EMX1: variants seen among roughly 807,000 people sequenced by gnomAD.
The protein encoded by EMX1 is homeobox protein EMX1.
In EMX1, 10 loss-of-function variants were observed where a neutral mutation model predicts 20.1. That is an observed-to-expected ratio of 0.50 (90% CI 0.31 to 0.84). EMX1 has a LOEUF of 0.84. Ranked by LOEUF, EMX1 falls within the 40% of genes least tolerant of loss-of-function variation. The pLI, the probability that EMX1 is intolerant of heterozygous loss-of-function variation, is 0.05. For synonymous variants in EMX1, 250 were observed against 200.4 expected (o/e 1.25, Z -2.09); for missense variants, 424 against 431.9 (o/e 0.98, Z 0.16).
intron 2 of EMX1, chr2:72,925,695 G>A: frequency 1.0e-6 from 1 of 985,456 alleles, no homozygotes; most frequent in Non-Finnish European, 1.2e-6. Flanking sequence ...CCTCCCTTTA[G>A]CAGCCAGAGT....
chr2:72,927,752 T>C (rs771512485), intron 2 of EMX1, among the ~76,000 whole-genome samples: 18 of 152,220 alleles, frequency 1.2e-4, no homozygotes, highest in Non-Finnish European at 2.4e-4. Flanking sequence ...CCTGTCTGTT[T>C]CTTACAGGAC....
chr2:72,920,020 T>C (rs965038771), intron 1 of EMX1, among the ~76,000 whole-genome samples: 1 of 152,098 alleles, frequency 6.6e-6, no homozygotes, highest in Admixed American at 6.5e-5. Flanking sequence ...TGGAGGCTTG[T>C]GGAGGGATAG....
chr2:72,924,623 G>A, intron 2 of EMX1, 130 bp downstream of exon 2: 2 of 1,135,862 alleles, frequency 1.8e-6, no homozygotes, highest in Admixed American at 2.9e-5. Flanking sequence ...CCCATTCCCC[G>A]CGGCGCTGCG....
intron 2 of EMX1, among the ~76,000 whole-genome samples, chr2:72,931,624 G>T (rs1017291052): frequency 6.6e-6 from 1 of 152,228 alleles, no homozygotes; most frequent in Non-Finnish European, 1.5e-5. Flanking sequence ...CCAAAGATAG[G>T]TGGGCTTGGA....
intron 2 of EMX1, among the ~76,000 whole-genome samples, chr2:72,931,882 C>T (rs371953983): frequency 2.0e-5 from 3 of 152,184 alleles, no homozygotes; most frequent in Admixed American, 6.5e-5. Flanking sequence ...GGGCAGATGG[C>T]GCAGTGGAAG....
chr2:72,932,937 T>G (rs1248775757), intron 2 of EMX1: 1 of 152,298 alleles, frequency 6.6e-6, no homozygotes, highest in Non-Finnish European at 1.5e-5. Context: ...GGTCTGGAGC[T>G]GCCCGTGAAG....
At chr2:72,916,337 C>A, upstream of EMX1, 2 of 319,138 alleles carry the variant, frequency 6.3e-6, no homozygotes, top group East Asian at 8.9e-5. Flanking sequence ...AGGCAGCGCT[C>A]AGGCCGCTAG....
At chr2:72,916,660 T>C (rs1056304555), upstream of EMX1, 3 of 713,554 alleles carry the variant, frequency 4.2e-6, no homozygotes, top group Non-Finnish European at 5.2e-6. Flanking sequence ...CTGCGTGTCC[T>C]GACGGCTGGC....
rs1371500730 is a variant in EMX1 at position 72,930,244 on chromosome 2, CAT to C, written c.706-3541_706-3540del. Among the ~76,000 whole-genome samples the C allele has an allele frequency of 5.3e-5, 8 of 152,204 alleles. No homozygotes were observed. The highest frequency in any genetic ancestry group is 1.7e-4 in the African/African-American group (7 of 41,448). On this transcript the variant is annotated intron_variant, in intron 2 of 2. Transcript: ENST00000258106. This position sits in a 1 kb window ranked among gnomAD's most constrained non-coding sequence, Gnocchi z 4.4. ...ACATAACAGTTTGGCTCTCCAGTCT[CAT>C]AGTCTGGTGAGGAGGCAGACGTAAA... is the stretch of plus-strand genomic sequence containing the variant.
chr2:72,919,669 G>A (rs1026865760), intron 1 of EMX1, among the ~76,000 whole-genome samples: 7 of 152,220 alleles, frequency 4.6e-5, no homozygotes, highest in African/African-American at 9.7e-5. Context: ...GCCAATAGAT[G>A]CTGACCTGGC....
chr2:72,918,166 C>T lies in EMX1; in HGVS notation c.314C>T (p.Ala105Val), dbSNP rs1354723502. The stretch of plus-strand genomic sequence containing the variant: ...AGTGGCTTCCCTGCCGCGGCCGCCG[C>T]GGGCGCGGGCCGCTCGCTCTACGGT... ...FVSGFPAAAA[A>V]GAGRSLYGGP... The change falls in exon 1 of 3, where the codon GCG (alanine) becomes GTG (valine). Residue 105 changes from alanine (A) to valine (V), a missense_variant. By Grantham distance (64) the Ala-to-Val change is moderately conservative. Around this residue, in one of 2 missense-constraint regions of EMX1, gnomAD observed 333 missense variants for 296.6 expected, o/e 1.12. Transcript: ENST00000258106. 6.6e-7 allele frequency: 1 copy of T among 1,505,366 alleles called. No homozygotes were observed. The highest frequency in any genetic ancestry group is 8.8e-7 in the Non-Finnish European group (1 of 1,142,454). 93.3% of individuals were successfully genotyped at this position (1,505,366 alleles called of 1,614,324 possible).
chr2:72,925,617 T>TA (rs1671188417), intron 2 of EMX1: 7 of 1,239,908 alleles, frequency 5.6e-6, no homozygotes, highest in Non-Finnish European at 7.3e-6. Context: ...GTCTCGACCC[T>TA]ACTACACCAC....
rs1278557152 is a variant in EMX1 at position 72,934,619 on chromosome 2, G to C, written c.*665G>C. 6.6e-6 allele frequency: 1 copy of C among 152,326 alleles called. No individual in the cohort carries two copies. Among genetic ancestry groups the C allele is most frequent in the Non-Finnish European group, 1.5e-5 (1 of 68,170 alleles). The allele number at this position is 152,326 out of a possible 1,614,324, so 9.4% of individuals were successfully genotyped here. On this transcript the variant is annotated 3_prime_UTR_variant, in exon 3 of 3. Coordinates refer to ENST00000258106, the MANE Select transcript of EMX1 (RefSeq NM_004097.3). Reference sequence around the variant, plus strand: ...AGGCCCAGGTCTTTCTTAACGTATTGAGAGGTGGGAATCAGGCCCAGGTAG... The same window carrying C: ...AGGCCCAGGTCTTTCTTAACGTATTCAGAGGTGGGAATCAGGCCCAGGTAG...
intron 2 of EMX1, among the ~76,000 whole-genome samples, chr2:72,928,290 G>A (rs1036549754): frequency 2.6e-5 from 4 of 152,206 alleles, no homozygotes; most frequent in African/African-American, 9.6e-5. Context: ...TGGCTGGTTG[G>A]GCAGACCTGG....
chr2:72,918,483 C>T, intron 1 of EMX1, 111 bp downstream of exon 1: 5 of 1,292,856 alleles, frequency 3.9e-6, no homozygotes, highest in Non-Finnish European at 4.9e-6. Flanking sequence ...GCCGGGAAGG[C>T]TGCAGGTCCG....
chr2:72,920,456 G>A (rs1458783996), intron 1 of EMX1, among the ~76,000 whole-genome samples: 1 of 152,178 alleles, frequency 6.6e-6, no homozygotes, highest in Non-Finnish European at 1.5e-5. Context: ...GTTGCTTCGC[G>A]GTCCATCGTC....
chr2:72,933,192 CCCAGGGATAGT>C, intron 2 of EMX1: 2 of 152,362 alleles, frequency 1.3e-5, no homozygotes, highest in Non-Finnish European at 2.9e-5. Context: ...GTTCTGTGCC[CCCAGGGATAGT>C]CTGGCTGTCC....
Position 72,917,937 on chromosome 2 carries a change from C to G in EMX1, c.85C>G (p.Pro29Ala). The G allele has an allele frequency of 6.7e-7, 1 of 1,486,120 alleles. No homozygotes were observed. Among genetic ancestry groups the G allele is most frequent in the Non-Finnish European group, 8.9e-7 (1 of 1,125,978 alleles). 92.1% of individuals were successfully genotyped at this position (1,486,120 alleles called of 1,614,324 possible). A position where few individuals can be genotyped will look rare whatever the true frequency, so the allele number is the denominator to read the frequency against. ...LPRARLPRTA[P>A]AAATMFQPAA... is the part of the protein sequence containing the mutation. ...CAGAGCCCGGCTGCCTCGCACAGCT[C>G]CCGCGGCTGCGACCATGTTCCAGCC... Residue 29 changes from proline to alanine, a missense_variant, in exon 1 of 3, where the codon CCC (proline) becomes GCC (alanine). Physicochemically the swap from Pro to Ala is conservative, Grantham distance 27. Around this residue, in one of 2 missense-constraint regions of EMX1, gnomAD observed 333 missense variants for 296.6 expected, o/e 1.12. Transcript: ENST00000258106.
intron 2 of EMX1, chr2:72,925,972 A>T (rs896488660): frequency 1.0e-6 from 1 of 985,332 alleles, no homozygotes; most frequent in Non-Finnish European, 1.2e-6. Flanking sequence ...ATGTGTTTTT[A>T]AAAATAAGTT....
Sources: allele counts gnomAD v4.1 joint callset (sites outside exome capture counted in the v4.1 genomes callset), GRCh38; gene constraint gnomAD v4.1.1; regional missense constraint gnomAD v4.1.1; non-coding constraint Gnocchi (gnomAD v3.1); transcripts MANE v1.5; gene names NCBI Gene and HGNC (gene_info 2026-07-23, HGNC 2026-07-21).